The following STT3A variants were observed in gnomAD, a reference collection of about 807,000 sequenced individuals.
STT3A encodes the protein STT3 oligosaccharyltransferase complex catalytic subunit A, also known as dolichyl-diphosphooligosaccharide--protein glycosyltransferase subunit STT3A.
STT3A carries 34 observed loss-of-function variants against 89.2 expected under a neutral mutation model. The ratio of observed to expected loss-of-function variants is 0.38; its 90% CI spans 0.29 to 0.51. The LOEUF (loss-of-function observed/expected upper bound fraction) is 0.51. STT3A is among the 20% of genes least tolerant of loss of function. STT3A has a pLI of 0.89. For synonymous variants in STT3A, 282 were observed against 310.3 expected (o/e 0.91, Z 0.96); for missense variants, 555 against 889.5 (o/e 0.62, Z 4.78).
chr11:125,609,326 CCTT>C (rs1939931276), intron 9 of STT3A, 105 bp from the exon 10 acceptor site: 2 of 1,401,064 alleles, frequency 1.4e-6, no homozygotes, highest in East Asian at 4.9e-5. Flanking sequence ...AAAACCTAAT[CCTT>C]CTCTGTCACT....
intron 10 of STT3A, chr11:125,610,582 T>C (rs1164202420): frequency 2.0e-5 from 3 of 151,978 alleles, no homozygotes; most frequent in East Asian, 1.9e-4. Context: ...CCTGGAATTG[T>C]AGTTCACATC....
intron 11 of STT3A, among the ~76,000 whole-genome samples, chr11:125,612,123 G>A (rs55967126): frequency 0.29 from 43,998 of 151,772 alleles, 6,600 homozygotes; most frequent in East Asian, 0.41. Context: ...TGATCCACCC[G>A]CCTTGGCCTC....
intron 4 of STT3A, 35 bp from the exon 5 acceptor site, chr11:125,602,768 A>G (rs878924403): frequency 6.2e-7 from 1 of 1,612,640 alleles, no homozygotes; most frequent in South Asian, 1.1e-5. Context: ...AGTTCTGGTA[A>G]GACAACCTAA....
At chr11:125,597,861 A>C (rs951358514) in intron 3 of STT3A, among the ~76,000 whole-genome samples, 3 of 152,230 alleles carry the variant, frequency 2.0e-5, no homozygotes, top group Non-Finnish European at 2.9e-5. Flanking sequence ...TTTACAGATT[A>C]TCTCTAAATC....
chr11:125,612,576 T>A lies in STT3A; in HGVS notation c.1210-16T>A. 1.2e-6 allele frequency: 2 copies of A among 1,611,558 alleles called. No homozygotes were observed. The highest frequency in any genetic ancestry group is 1.7e-6 in the Non-Finnish European group (2 of 1,178,808). ...GGAACACTGATTAGACTGATCATGC[T>A]TCCTGTCTCTGTTAGGTGCGTCTAA... On this transcript the variant is annotated splice_polypyrimidine_tract_variant and intron_variant, in intron 11 of 17. Transcript: ENST00000392708.
chr11:125,601,183 A>T (rs1315670307), intron 3 of STT3A, among the ~76,000 whole-genome samples: 3 of 152,240 alleles, frequency 2.0e-5, no homozygotes, highest in African/African-American at 4.8e-5. Flanking sequence ...ACTGATTAAG[A>T]AAGTTGTGTT....
intron 4 of STT3A, 108 bp from the exon 5 acceptor site, chr11:125,602,695 G>A: frequency 2.8e-6 from 4 of 1,427,772 alleles, no homozygotes; most frequent in Non-Finnish European, 3.8e-6. Context: ...TATTTCTGGT[G>A]ATTTGTCAAG....
intron 4 of STT3A, 166 bp from the exon 5 acceptor site, chr11:125,602,637 G>C: frequency 9.1e-7 from 1 of 1,093,922 alleles, no homozygotes; most frequent in Non-Finnish European, 1.3e-6. Context: ...ACTTCTGATT[G>C]AATCCTTAGG....
intron 2 of STT3A, among the ~76,000 whole-genome samples, chr11:125,596,486 A>C (rs1402312975): frequency 2.6e-5 from 4 of 152,194 alleles, no homozygotes; most frequent in Non-Finnish European, 5.9e-5. Context: ...GGCTGTGATC[A>C]TCTTTGAAAG....
chr11:125,606,361 C>G lies in STT3A; in HGVS notation c.676C>G (p.Leu226Val), dbSNP rs1939839439. The G allele has an allele frequency of 6.2e-7, 1 of 1,614,138 alleles. No homozygotes were observed. The highest frequency in any genetic ancestry group is 1.3e-5 in the African/African-American group (1 of 75,030). ...INLIPLHVLV[L>V]MLTGRFSHRI... ...CTTAATTCCTCTCCACGTCCTCGTGCTGATGCTCACAGGCCGTTTCTCTCA... is the reference window on the plus strand; with the variant it reads ...CTTAATTCCTCTCCACGTCCTCGTGGTGATGCTCACAGGCCGTTTCTCTCA... Residue 226 changes from leucine to valine, a missense_variant, in exon 8 of 18, where the codon CTG becomes GTG. This residue lies in a region of STT3A where 149 missense variants were observed against 206.2 expected (regional missense o/e 0.72). Coordinates refer to ENST00000392708, the MANE Select transcript of STT3A (RefSeq NM_152713.5).
chr11:125,597,301 G>A (rs1378597247), intron 3 of STT3A, among the ~76,000 whole-genome samples, 182 bp downstream of exon 3: 4 of 151,566 alleles, frequency 2.6e-5, no homozygotes, highest in Non-Finnish European at 5.9e-5. Context: ...CGTATGTGTT[G>A]GAGTCCAGCA....
chr11:125,601,780 C>T (rs547230230), intron 3 of STT3A, among the ~76,000 whole-genome samples: 1 of 151,944 alleles, frequency 6.6e-6, no homozygotes. Flanking sequence ...ATGTTAGGCT[C>T]CAGTTTCATT....
chr11:125,604,067 C>A, intron 5 of STT3A, 90 bp from the exon 6 acceptor site: 1 of 1,333,206 alleles, frequency 7.5e-7, no homozygotes, highest in Non-Finnish European at 1.1e-6. Flanking sequence ...GTTTTCTGGG[C>A]TCATTATAAA....
intron 6 of STT3A, among the ~76,000 whole-genome samples, chr11:125,604,826 T>C (rs1009559156): frequency 1.1e-4 from 16 of 152,324 alleles, no homozygotes; most frequent in African/African-American, 3.6e-4. Flanking sequence ...AAGGAGAGAT[T>C]TGGGGCTGAG....
rs533802086 is a variant in STT3A, at chr11:125,621,445, A to C, written c.*635A>C. The C allele has an allele frequency of 6.6e-6, 1 of 152,336 alleles. No individual in the cohort carries two copies. The highest frequency in any genetic ancestry group is 2.4e-5 in the African/African-American group (1 of 41,572). The allele number at this position is 152,336 out of a possible 1,614,324, so 9.4% of individuals were successfully genotyped here. A position where few individuals can be genotyped will look rare whatever the true frequency, so the allele number is the denominator to read the frequency against. ...TATAAATCAGCAGTTTTGAAGACTCAAGACAAACAGTGAAATTATTGGTTT... is the reference window on the plus strand; with the variant it reads ...TATAAATCAGCAGTTTTGAAGACTCCAGACAAACAGTGAAATTATTGGTTT... On this transcript the variant is annotated 3_prime_UTR_variant, in exon 18 of 18. Coordinates refer to ENST00000392708, the MANE Select transcript of STT3A (RefSeq NM_152713.5).
chr11:125,606,252 G>T (rs1347128847), intron 7 of STT3A, 49 bp from the exon 8 acceptor site: 2 of 1,516,324 alleles, frequency 1.3e-6, no homozygotes, highest in South Asian at 1.2e-5. Context: ...AGTGGTGGTG[G>T]TCTGAGGAGG....
chr11:125,603,007 G>A (rs1306765988), intron 5 of STT3A, 59 bp downstream of exon 5: 15 of 1,595,482 alleles, frequency 9.4e-6, no homozygotes, highest in African/African-American at 2.7e-5. Flanking sequence ...CTCTCTAATC[G>A]ATGCTGGAGG....
In STT3A at chr11:125,608,129, C is replaced by A. The variant is rs1444253478; in HGVS notation, c.801C>A (p.His267Gln). The A allele has an allele frequency of 1.1e-5, 18 of 1,610,912 alleles. No homozygotes were observed. Among genetic ancestry groups the A allele is most frequent in the Non-Finnish European group, 1.4e-5 (17 of 1,178,934 alleles). The change falls in exon 9 of 18, where the codon CAC (histidine) becomes CAA (glutamine). Residue 267 changes from histidine (H) to glutamine (Q), a missense_variant. By Grantham distance (24) the His-to-Gln change is conservative (BLOSUM62 0). Coordinates refer to ENST00000392708, the MANE Select transcript of STT3A (RefSeq NM_152713.5). ...TACAGCCTGTCCTTTCATCAGAGCA[C>A]ATGGCAGCCTTTGGGGTCTTTGGTC... ...VGFQPVLSSEHMAAFGVFGLC... is the reference protein window; with the variant it reads ...VGFQPVLSSEQMAAFGVFGLC...
At position 125,614,569 on chromosome 11, in the gene STT3A, G is replaced by C. The variant is rs1222307579; in HGVS notation, c.1774+143G>C. On this transcript the variant is annotated intron_variant, in intron 15 of 17. Coordinates refer to ENST00000392708, the MANE Select transcript of STT3A (RefSeq NM_152713.5). This position sits in a 1 kb window ranked among gnomAD's most constrained non-coding sequence, Gnocchi z 4.9. Reference sequence around the variant, plus strand: ...AGTTCCTAAGTATTTGCAACTTGAGGTTTGGGTATTTTGATTTTTTTCTTT... The same window carrying C: ...AGTTCCTAAGTATTTGCAACTTGAGCTTTGGGTATTTTGATTTTTTTCTTT... 1 of 805,776 alleles carries C rather than the reference G, an allele frequency of 1.2e-6. No homozygotes were observed. The highest frequency in any genetic ancestry group is 1.7e-5 in the African/African-American group (1 of 57,352). 49.9% of individuals were successfully genotyped at this position (805,776 alleles called of 1,614,324 possible). A position where few individuals can be genotyped will look rare whatever the true frequency, so the allele number is the denominator to read the frequency against.
Sources: gnomAD v4.1 joint callset for allele counts (sites outside exome capture counted in the v4.1 genomes callset) on GRCh38, gnomAD v4.1.1 for gene constraint, gnomAD v4.1.1 regional missense constraint, Gnocchi (gnomAD v3.1) non-coding constraint, MANE v1.5 for transcripts, NCBI Gene and HGNC (gene_info 2026-07-23, HGNC 2026-07-21) for gene names.